UVRAG: variants seen among roughly 807,000 people sequenced by gnomAD.
UVRAG encodes the protein UV radiation resistance associated, also known as UV radiation resistance-associated gene protein.
A neutral mutation model predicts 78.0 loss-of-function variants in UVRAG; 19 were observed. The observed-to-expected ratio is 0.24, with a 90% CI of 0.17 to 0.36. The LOEUF (loss-of-function observed/expected upper bound fraction) is 0.36, where lower values mean the gene tolerates loss of function less well. Ranked by LOEUF, UVRAG falls within the 10% of genes least tolerant of loss-of-function variation. The pLI is 1.00. For missense variants in UVRAG, 740 were observed against 853.8 expected (o/e 0.87, Z 1.66); for synonymous variants, 323 against 324.6 (o/e 1.00, Z 0.05).
Position 75,852,011 on chromosome 11 carries a change from C to CT in UVRAG, c.235+12dup, listed in dbSNP as rs1277457285. On this transcript the variant is annotated intron_variant, in intron 2 of 14. Coordinates refer to ENST00000356136, the MANE Select transcript of UVRAG (RefSeq NM_003369.4). Reference sequence around the variant, plus strand: ...AAAAGATATATAAAGGTAAGGGGATCTGTGGCCTTACTACCCACAGATTGT... The same window carrying CT: ...AAAAGATATATAAAGGTAAGGGGATCTTGTGGCCTTACTACCCACAGATTGT... 3.9e-6 allele frequency: 6 copies of CT among 1,533,888 alleles called. No individual in the cohort carries two copies. The highest frequency in any genetic ancestry group is 3.6e-6 in the Non-Finnish European group (4 of 1,122,994).
At chr11:76,010,488 A>G (rs1000580198) in intron 11 of UVRAG, among the ~76,000 whole-genome samples, 9 of 152,146 alleles carry the variant, frequency 5.9e-5, no homozygotes, top group African/African-American at 2.4e-5. Context: ...CAACTATGCT[A>G]CAGCTGGGGG....
At chr11:75,986,426 A>G (rs1949502190) in intron 8 of UVRAG, among the ~76,000 whole-genome samples, 1 of 152,120 alleles carries the variant, frequency 6.6e-6, no homozygotes, top group Admixed American at 6.5e-5. Context: ...ATTCACCGGA[A>G]GCCTTATAGA....
rs910559641 is a variant in UVRAG at position 76,143,788 on chromosome 11, G to A, written c.*2375G>A. Among the ~76,000 whole-genome samples the A allele has an allele frequency of 2.0e-5, 3 of 152,204 alleles. No homozygotes were observed. Among genetic ancestry groups the A allele is most frequent in the Non-Finnish European group, 4.4e-5 (3 of 68,040 alleles). On this transcript the variant is annotated 3_prime_UTR_variant, in exon 15 of 15. Transcript: ENST00000356136. Reference sequence around the variant, plus strand: ...AGTGGCTGGGGCCAAAATAAGGGATGAGTTATTATCTCCTACTAACCTTTT... The same window carrying A: ...AGTGGCTGGGGCCAAAATAAGGGATAAGTTATTATCTCCTACTAACCTTTT...
At chr11:76,079,776 A>G (rs1951465028) in intron 13 of UVRAG, among the ~76,000 whole-genome samples, 1 of 152,180 alleles carries the variant, frequency 6.6e-6, no homozygotes, top group Admixed American at 6.5e-5. Context: ...CATCTTGGGA[A>G]CTCTAGCATA....
chr11:75,991,952 T>C (rs781658226), intron 8 of UVRAG, among the ~76,000 whole-genome samples: 2 of 152,184 alleles, frequency 1.3e-5, no homozygotes, highest in Non-Finnish European at 2.9e-5. Context: ...ATTGCTCTTA[T>C]ATATAGAATA....
chr11:76,060,185 G>A (rs1241061379), intron 12 of UVRAG, among the ~76,000 whole-genome samples: 1 of 152,140 alleles, frequency 6.6e-6, no homozygotes, highest in Non-Finnish European at 1.5e-5. Context: ...TTGCGTCTCT[G>A]TAGGTGTGTA....
chr11:76,025,419 G>A (rs1453485016), intron 12 of UVRAG, among the ~76,000 whole-genome samples: 1 of 152,176 alleles, frequency 6.6e-6, no homozygotes, highest in African/African-American at 2.4e-5. Context: ...CTTTTTCAAG[G>A]CCTTAAAAGA....
intron 4 of UVRAG, among the ~76,000 whole-genome samples, chr11:75,884,212 G>GTCTCTCTCTCTCTCTCTCTC (rs138821865): frequency 3.7e-4 from 53 of 144,174 alleles, no homozygotes; most frequent in African/African-American, 1.3e-3. Context: ...TTTGAGATCA[G>GTCTCTCTCTCTCTCTCTCTC]TCTCTCTCTC....
chr11:75,815,711 G>A (rs1445690284), intron 1 of UVRAG, among the ~76,000 whole-genome samples, 187 bp downstream of exon 1: 1 of 152,160 alleles, frequency 6.6e-6, no homozygotes, highest in Admixed American at 6.5e-5. Context: ...ACCTCCGGGA[G>A]ATCCCGGAGT....
intron 8 of UVRAG, among the ~76,000 whole-genome samples, chr11:75,992,041 T>A (rs1949617652): frequency 6.6e-6 from 1 of 152,142 alleles, no homozygotes. Context: ...GATACTATTA[T>A]TATCCTTCTA....
chr11:75,978,362 C>T (rs1035103341), intron 7 of UVRAG, among the ~76,000 whole-genome samples: 13 of 152,084 alleles, frequency 8.5e-5, no homozygotes, highest in Non-Finnish European at 1.3e-4. Context: ...TTGCTCTTCT[C>T]GAGGAGTATC....
chr11:75,968,987 T>C lies in UVRAG; in HGVS notation c.699+7438T>C, dbSNP rs181312342. Among the ~76,000 whole-genome samples the C allele has an allele frequency of 3.9e-5, 6 of 152,352 alleles. No homozygotes were observed. In the East Asian group the frequency reaches 7.7e-4, roughly 20 times the overall value. ...TTGACTTTTTTTCCAATTATTTTTG[T>C]GGTAAAATACATATAAGATTTATGA... On this transcript the variant is annotated intron_variant, in intron 7 of 14. Coordinates refer to ENST00000356136, the MANE Select transcript of UVRAG (RefSeq NM_003369.4).
intron 6 of UVRAG, among the ~76,000 whole-genome samples, chr11:75,938,668 C>T (rs1364618568): frequency 1.3e-5 from 2 of 152,204 alleles, no homozygotes; most frequent in Non-Finnish European, 2.9e-5. Context: ...GGAATAGGCC[C>T]TGTTCCTGGT....
chr11:75,969,937 C>G (rs1431366611), intron 7 of UVRAG, among the ~76,000 whole-genome samples: 1 of 152,112 alleles, frequency 6.6e-6, no homozygotes, highest in Non-Finnish European at 1.5e-5. Flanking sequence ...ATCCTGGTAA[C>G]CTATTTATTT....
rs1026984634 is a variant in UVRAG, at chr11:76,116,165, G to A, written c.1397+150G>A. The A allele has an allele frequency of 6.5e-6, 5 of 767,528 alleles. No individual in the cohort carries two copies. In the African/African-American group the frequency reaches 7.0e-5, roughly 11 times the overall value. The allele number at this position is 767,528 out of a possible 1,614,324, so 47.5% of individuals were successfully genotyped here. The stretch of plus-strand genomic sequence containing the variant: ...AAATGAAAGGCGCCATCACAGTTGG[G>A]GAGATCTAAGCTCCCGTCTGGCTAA... On this transcript the variant is annotated intron_variant, in intron 14 of 14. Transcript: ENST00000356136.
intron 9 of UVRAG, among the ~76,000 whole-genome samples, chr11:76,004,309 C>A (rs1949881490): frequency 6.6e-6 from 1 of 152,192 alleles, no homozygotes; most frequent in Admixed American, 6.5e-5. Flanking sequence ...TAGTTATAAT[C>A]AGAAACATGA....
intron 12 of UVRAG, among the ~76,000 whole-genome samples, chr11:76,052,963 GTATA>G (rs1321984328): frequency 6.7e-6 from 1 of 148,698 alleles, no homozygotes; most frequent in Non-Finnish European, 1.5e-5. Flanking sequence ...ATACTATAGA[GTATA>G]TAGGTATAAA....
chr11:75,849,529 T>G (rs1164421679), intron 1 of UVRAG, among the ~76,000 whole-genome samples: 1 of 152,062 alleles, frequency 6.6e-6, no homozygotes, highest in African/African-American at 2.4e-5. Context: ...TGAGTAATAG[T>G]TAACCTTGTA....
intron 13 of UVRAG, among the ~76,000 whole-genome samples, chr11:76,112,004 AAAT>A (rs1187611156): frequency 1.3e-5 from 2 of 152,014 alleles, no homozygotes; most frequent in Admixed American, 1.3e-4. Flanking sequence ...GGAGGAGGCA[AAAT>A]AATAATAATA....
Sources: gnomAD v4.1 joint callset for allele counts (sites outside exome capture counted in the v4.1 genomes callset) on GRCh38, gnomAD v4.1.1 for gene constraint, MANE v1.5 for transcripts, NCBI Gene and HGNC (gene_info 2026-07-23, HGNC 2026-07-21) for gene names.